Variants in CLCN7 observed in about 807,000 individuals in gnomAD.
The protein encoded by CLCN7 is H(+)/Cl(-) exchange transporter 7.
CLCN7 carries 60 observed loss-of-function variants against 102.1 expected under a neutral mutation model. That is an observed-to-expected ratio of 0.59 (90% CI 0.48 to 0.73). CLCN7 has a LOEUF of 0.73. CLCN7 is among the 30% of genes least tolerant of loss of function. The pLI is 0.00. For missense variants in CLCN7, 962 were observed against 1,125.7 expected (o/e 0.85, Z 2.08); for synonymous variants, 560 against 490.5 (o/e 1.14, Z -1.87).
intron 1 of CLCN7, among the ~76,000 whole-genome samples, chr16:1,468,358 G>A (rs979805586): frequency 2.6e-5 from 4 of 152,150 alleles, no homozygotes; most frequent in Admixed American, 6.5e-5. Context: ...GCCCCTGCCC[G>A]GAGTGAAAGG....
intron 6 of CLCN7, among the ~76,000 whole-genome samples, chr16:1,459,770 T>G (rs1249295072): frequency 5.1e-5 from 2 of 39,274 alleles, no homozygotes; most frequent in Non-Finnish European, 4.6e-5. Flanking sequence ...GAAGGGGAGC[T>G]CAGCACACAC....
Position 1,457,627 on chromosome 16 carries a change from G to A in CLCN7, c.738+67C>T, listed in dbSNP as rs746281148. The A allele has an allele frequency of 5.9e-6, 9 of 1,518,258 alleles. No homozygotes were observed. Among genetic ancestry groups the A allele is most frequent in the Middle Eastern group, 3.4e-4 (2 of 5,848 alleles). 94.0% of individuals were successfully genotyped at this position (1,518,258 alleles called of 1,614,324 possible). A position where few individuals can be genotyped will look rare whatever the true frequency, so the allele number is the denominator to read the frequency against. ...GACCGGTGCTCAGAGACACACATGG[G>A]CGTGGCGGCCCTCGCGGGCCCGGCG... On this transcript the variant is annotated intron_variant, in intron 8 of 24. Coordinates refer to ENST00000382745, the MANE Select transcript of CLCN7 (RefSeq NM_001287.6). The surrounding 1 kb of genome is among the most constrained non-coding windows in gnomAD (Gnocchi z 5.4).
chr16:1,446,856 G>T, intron 24 of CLCN7, 139 bp from the exon 25 acceptor site: 2 of 1,104,682 alleles, frequency 1.8e-6, no homozygotes, highest in Non-Finnish European at 2.7e-6. Context: ...TGAGCACGGG[G>T]CTGGGGAGGG....
At chr16:1,451,806 A>C (rs1596214948) in intron 15 of CLCN7, 90 bp from the exon 16 acceptor site, 1 of 1,050,484 alleles carries the variant, frequency 9.5e-7, no homozygotes. Flanking sequence ...GAGGCCGTGT[A>C]CCCTGTGCCT....
intron 12 of CLCN7, 137 bp downstream of exon 12, chr16:1,454,997 A>C: frequency 1.4e-6 from 1 of 698,516 alleles, no homozygotes; most frequent in South Asian, 1.6e-5. Context: ...GGGGCCCTGG[A>C]GCTTACACAA....
rs763447226 is a variant in CLCN7, at chr16:1,453,576, G to A, written c.1214+258C>T. 2.6e-5 allele frequency among the ~76,000 whole-genome samples: 4 copies of A among 152,220 alleles called. No homozygotes were observed. The South Asian group carries it at 6.2e-4, about 24-fold the overall frequency. On this transcript the variant is annotated intron_variant, in intron 14 of 24. Coordinates refer to ENST00000382745, the MANE Select transcript of CLCN7 (RefSeq NM_001287.6). ...ATGCCTCGCCCAGGCCCGATCCCACGCAGGGCCTCACTTCCTACCCAGGGG... is the reference window on the plus strand; with the variant it reads ...ATGCCTCGCCCAGGCCCGATCCCACACAGGGCCTCACTTCCTACCCAGGGG...
intron 12 of CLCN7, 108 bp downstream of exon 12, chr16:1,455,026 C>A: frequency 1.3e-6 from 1 of 772,748 alleles, no homozygotes; most frequent in Non-Finnish European, 2.4e-6. Context: ...AGCTCCACAG[C>A]TATCAACCAG....
In CLCN7 at chr16:1,455,927, C is replaced by A. The variant is rs2038828404; in HGVS notation, c.917-132G>T. 5 of 1,108,908 alleles carry A rather than the reference C, an allele frequency of 4.5e-6. No individual in the cohort carries two copies. In the African/African-American group the frequency reaches 6.1e-5, roughly 14 times the overall value. 68.7% of individuals were successfully genotyped at this position (1,108,908 alleles called of 1,614,324 possible). A position where few individuals can be genotyped will look rare whatever the true frequency, so the allele number is the denominator to read the frequency against. On this transcript the variant is annotated intron_variant, in intron 10 of 24. Coordinates refer to ENST00000382745, the MANE Select transcript of CLCN7 (RefSeq NM_001287.6). ...GCTAATGGGGTGGGCCCCAGCCACA[C>A]AGAGAGGGACCCTGAGGGAGGTCTG...
chr16:1,450,433 C>T, intron 17 of CLCN7, 64 bp downstream of exon 17: 3 of 1,473,798 alleles, frequency 2.0e-6, no homozygotes, highest in East Asian at 2.4e-5. Context: ...CTGCTCCGGC[C>T]CGCGATGCCG....
At chr16:1,447,602 G>A (rs2038672190) in intron 22 of CLCN7, 34 bp from the exon 23 acceptor site, 2 of 1,552,112 alleles carry the variant, frequency 1.3e-6, no homozygotes, top group East Asian at 2.4e-5. Context: ...CAGGCACCCA[G>A]GCAGCACCCC....
At chr16:1,454,564 C>T (rs1422806121) in intron 12 of CLCN7, 99 bp from the exon 13 acceptor site, 2 of 1,159,102 alleles carry the variant, frequency 1.7e-6, no homozygotes, top group Non-Finnish European at 2.6e-6. Context: ...GAGCTGTCCC[C>T]ACAGAGAGCC....
chr16:1,461,880 T>C (rs2038943467), intron 2 of CLCN7, among the ~76,000 whole-genome samples: 1 of 151,372 alleles, frequency 6.6e-6, no homozygotes, highest in Non-Finnish European at 1.5e-5. Flanking sequence ...CGGTCAGGAG[T>C]TCGAGACCAG....
intron 1 of CLCN7, chr16:1,474,374 G>A (rs966592973): frequency 2.8e-5 from 10 of 352,128 alleles, no homozygotes; most frequent in Non-Finnish European, 5.6e-5. Flanking sequence ...CTGAAAGACA[G>A]TGACCCGGCT....
rs374608288 is a variant in CLCN7 at position 1,450,581 on chromosome 16, G to A, written c.1533C>T (p.Ala511=). 1.5e-4 allele frequency: 242 copies of A among 1,612,204 alleles called. 1 individual carries two copies. The highest frequency in any genetic ancestry group is 2.6e-4 in the South Asian group (24 of 90,934). ...TGAGCAGGGACGGGATGAAGACCCC[G>A]GCAGACACCGTGAGCCCGTAGGTCC... ...ACWTYGLTVS[A]GVFIPSLLIG... is the part of the protein sequence containing the mutation. The change falls in exon 17 of 25, where the codon GCC becomes GCT. Residue 511 remains alanine (A), a synonymous_variant. Transcript: ENST00000382745.
At chr16:1,469,803 G>A (rs945256016) in intron 1 of CLCN7, among the ~76,000 whole-genome samples, 5 of 152,252 alleles carry the variant, frequency 3.3e-5, no homozygotes, top group Non-Finnish European at 5.9e-5. Flanking sequence ...TGACCAAAAT[G>A]CGGAAGCACC....
intron 1 of CLCN7, 94 bp downstream of exon 1, chr16:1,474,740 C>T: frequency 1.8e-6 from 2 of 1,105,844 alleles, no homozygotes; most frequent in South Asian, 7.4e-5. Flanking sequence ...CCTCCAGGAC[C>T]GAGACACGCG....
At position 1,449,091 on chromosome 16, in the gene CLCN7, C is replaced by T. The variant is rs1180615464; in HGVS notation, c.1672G>A (p.Gly558Arg). The T allele has an allele frequency of 1.9e-6, 3 of 1,612,818 alleles. No individual in the cohort carries two copies. The highest frequency in any genetic ancestry group is 2.5e-6 in the Non-Finnish European group (3 of 1,179,980). The change falls in exon 19 of 25, where the codon GGG becomes AGG. Residue 558 changes from glycine to arginine, a missense_variant and splice_region_variant. Physicochemically the swap from Gly to Arg is moderately radical, Grantham distance 125. This residue lies in a region of CLCN7 where 799 missense variants were observed against 988.0 expected (regional missense o/e 0.81). Transcript: ENST00000382745. ...ALMGAAAQLG[G>R]IVRMTLSLTV... is the part of the protein sequence containing the mutation. ...AGGCTCAGTGTCATCCGCACAATCCCGCCTGCGGGAGCCATCATGAACCCC... is the reference window on the plus strand; with the variant it reads ...AGGCTCAGTGTCATCCGCACAATCCTGCCTGCGGGAGCCATCATGAACCCC...
intron 23 of CLCN7, 119 bp downstream of exon 23, chr16:1,447,272 AC>A: frequency 8.2e-7 from 1 of 1,220,654 alleles, no homozygotes; most frequent in Middle Eastern, 2.7e-4. Context: ...TTCACAGGAG[AC>A]AGAGTCACCG....
chr16:1,456,481 C>T (rs919962798), intron 9 of CLCN7, among the ~76,000 whole-genome samples: 7 of 152,238 alleles, frequency 4.6e-5, no homozygotes, highest in African/African-American at 2.4e-5. Flanking sequence ...TACCCTCTAA[C>T]GAAAAGCGCA....
Sources: gnomAD v4.1 joint callset for allele counts (sites outside exome capture counted in the v4.1 genomes callset) on GRCh38, gnomAD v4.1.1 for gene constraint, gnomAD v4.1.1 regional missense constraint, Gnocchi (gnomAD v3.1) non-coding constraint, MANE v1.5 for transcripts, NCBI Gene and HGNC (gene_info 2026-07-23, HGNC 2026-07-21) for gene names.